ACRV1: variants seen among roughly 807,000 people sequenced by gnomAD.
The protein encoded by ACRV1 is acrosomal vesicle protein 1, also known as acrosomal protein SP-10.
Under a neutral mutation model 29.2 loss-of-function variants are expected in ACRV1, and 17 were observed. The ratio of observed to expected loss-of-function variants is 0.58; its 90% CI spans 0.40 to 0.87. The LOEUF is 0.87. Among genes scored for constraint, ACRV1 ranks in the 40% least tolerant of loss-of-function variants. The pLI is 0.00. For synonymous variants in ACRV1, 98 were observed against 111.6 expected, an observed-to-expected ratio of 0.88 and a Z score of 0.77; for missense variants, 294 against 316.0, an observed-to-expected ratio of 0.93 and a Z score of 0.53.
Position 125,672,561 on chromosome 11 carries a change from G to A in ACRV1, c.*32C>T. On this transcript the variant is annotated 3_prime_UTR_variant, in exon 4 of 4. Coordinates refer to ENST00000533904, the MANE Select transcript of ACRV1 (RefSeq NM_001612.6). Reference sequence around the variant, plus strand: ...AATAGAGTGATGGAGGCTTTTTACTGCCTGAGTCAAAACAAGCAAGGGCCC... The same window carrying A: ...AATAGAGTGATGGAGGCTTTTTACTACCTGAGTCAAAACAAGCAAGGGCCC... The A allele has an allele frequency of 4.3e-6, 7 of 1,611,092 alleles. No homozygotes were observed. The highest frequency in any genetic ancestry group is 5.9e-6 in the Non-Finnish European group (7 of 1,179,130).
chr11:125,678,028 G>A lies in ACRV1; in HGVS notation c.322C>T (p.His108Tyr). ...PAATEHAEGE[H>Y]TVGEQPSGEQ... ...CCTGAAGGCTGCTCACCTACAGTAT[G>A]CTCACCTTCAGCATGTTCAGTCGCA... The change falls in exon 2 of 4, where the codon CAT (histidine) becomes TAT (tyrosine). Residue 108 changes from histidine (H) to tyrosine (Y), a missense_variant. Transcript: ENST00000533904. 1.2e-6 allele frequency: 2 copies of A among 1,614,174 alleles called. No individual in the cohort carries two copies. The highest frequency in any genetic ancestry group is 1.7e-6 in the Non-Finnish European group (2 of 1,180,044).
At chr11:125,675,313 T>TAAG (rs1942446702) in intron 3 of ACRV1, among the ~76,000 whole-genome samples, 1 of 152,246 alleles carries the variant, frequency 6.6e-6, no homozygotes, top group Non-Finnish European at 1.5e-5. Context: ...ATATGTGCCT[T>TAAG]TCTTAAGACA....
rs749164194 is a variant in ACRV1, at chr11:125,677,837, CCCTGAAGCGTGCTCA to C, written c.498_512del (p.His168_Glu172del). On this transcript the variant is annotated inframe_deletion, in exon 2 of 4. Transcript: ENST00000533904. ...AAATTGGTGCACCTGAAGCCTGTTC[CCCTGAAGCGTGCTCA>C]CCTGAAGGCTGTTCACCCGAGGCCT... The C allele has an allele frequency of 6.2e-6, 10 of 1,614,008 alleles. No homozygotes were observed. The highest frequency in any genetic ancestry group is 7.6e-6 in the Non-Finnish European group (9 of 1,180,036).
intron 1 of ACRV1, 44 bp downstream of exon 1, chr11:125,680,685 G>GAGAC: frequency 6.4e-7 from 1 of 1,565,226 alleles, no homozygotes; most frequent in Non-Finnish European, 8.8e-7. Context: ...TGTCTTAAGG[G>GAGAC]AGACCCCTTT....
rs756928323 is a variant in ACRV1, at chr11:125,676,378, C to T, written c.654G>A (p.Met218Ile). The T allele has an allele frequency of 6.2e-7, 1 of 1,614,170 alleles. No homozygotes were observed. Among genetic ancestry groups the T allele is most frequent in the Non-Finnish European group, 8.5e-7 (1 of 1,180,024 alleles). ...ATATACCTTCAAAGATCTTCTTTAACATGCACTGCTGGGAATTCTGAGTGA... is the reference window on the plus strand; with the variant it reads ...ATATACCTTCAAAGATCTTCTTTAATATGCACTGCTGGGAATTCTGAGTGA... The part of the protein sequence containing the change: ...TCITQNSQQC[M>I]LKKIFEGGKL... The change falls in exon 3 of 4, where the codon ATG becomes ATA. Residue 218 changes from methionine (M) to isoleucine (I), a missense_variant. Coordinates refer to ENST00000533904, the MANE Select transcript of ACRV1 (RefSeq NM_001612.6).
At chr11:125,676,065 A>C (rs1942491219) in intron 3 of ACRV1, 2 of 261,158 alleles carry the variant, frequency 7.7e-6, no homozygotes, top group Non-Finnish European at 1.5e-5. Flanking sequence ...CCACCACCAC[A>C]CCTGGCTAGG....
At chr11:125,677,312 C>A (rs955671049) in intron 2 of ACRV1, among the ~76,000 whole-genome samples, 11 of 152,216 alleles carry the variant, frequency 7.2e-5, no homozygotes, top group Non-Finnish European at 1.5e-4. Flanking sequence ...GTCCTAGGAA[C>A]TCATTTCTGG....
chr11:125,678,316 A>G lies in ACRV1; in HGVS notation c.53-19T>C, dbSNP rs372086695. 3 of 1,609,502 alleles carry G rather than the reference A, an allele frequency of 1.9e-6. No individual in the cohort carries two copies. On this transcript the variant is annotated intron_variant, in intron 1 of 3. Transcript: ENST00000533904. Reference sequence around the variant, plus strand: ...GATGTTCCTGGGATGGAGAAGGAACAGAAGAGAGTTGGTGAAGCTGACAGA... The same window carrying G: ...GATGTTCCTGGGATGGAGAAGGAACGGAAGAGAGTTGGTGAAGCTGACAGA...
At chr11:125,677,713 C>G in intron 2 of ACRV1, 84 bp downstream of exon 2, 2 of 1,553,620 alleles carry the variant, frequency 1.3e-6, no homozygotes, top group Non-Finnish European at 1.8e-6. Context: ...CTTCTGCACT[C>G]CTTCCCTAAA....
intron 1 of ACRV1, among the ~76,000 whole-genome samples, 173 bp from the exon 2 acceptor site, chr11:125,678,470 C>A (rs570125567): frequency 6.6e-6 from 1 of 152,212 alleles, no homozygotes; most frequent in African/African-American, 2.4e-5. Flanking sequence ...CCCAAAAGGC[C>A]ATGGAGGACA....
At chr11:125,675,595 G>T (rs1353916869) in intron 3 of ACRV1, among the ~76,000 whole-genome samples, 1 of 152,158 alleles carries the variant, frequency 6.6e-6, no homozygotes, top group Non-Finnish European at 1.5e-5. Flanking sequence ...TGAGAGTAAG[G>T]GTAAAGAGGT....
At chr11:125,678,954 T>TA (rs1171041691) in intron 1 of ACRV1, among the ~76,000 whole-genome samples, 888 of 82,960 alleles carry the variant, frequency 0.011, 17 homozygotes, top group African/African-American at 0.035. Context: ...GCTATTAAGG[T>TA]AAAAAAAAAA....
Position 125,678,056 on chromosome 11 carries a change from G to A in ACRV1, c.294C>T (p.Pro98=), listed in dbSNP as rs1199956077. 3.0e-5 allele frequency: 49 copies of A among 1,614,080 alleles called. No individual in the cohort carries two copies. Among genetic ancestry groups the A allele is most frequent in the African/African-American group, 4.0e-5 (3 of 75,014 alleles). ...HAESEHASGE[P]AATEHAEGEH... The stretch of plus-strand genomic sequence containing the variant: ...CACCTTCAGCATGTTCAGTCGCAGC[G>A]GGCTCACCTGAAGCATGCTCACTCT... Residue 98 remains proline, a synonymous_variant, in exon 2 of 4, where the codon CCC becomes CCT. Transcript: ENST00000533904.
rs112296772 is a variant in ACRV1, at chr11:125,677,788, A to G, written c.553+9T>C. The G allele has an allele frequency of 1.4e-5, 22 of 1,612,944 alleles. 1 individual carries two copies. In the African/African-American group the frequency reaches 1.5e-4, roughly 11 times the overall value. ...GTCAATGACTGGCACCCATCCAAAC[A>G]TGGCTCACCTGTAGATGTGCTTGAA... On this transcript the variant is annotated intron_variant, in intron 2 of 3. Transcript: ENST00000533904.
intron 1 of ACRV1, among the ~76,000 whole-genome samples, chr11:125,679,289 C>G (rs1359406764): frequency 6.8e-6 from 1 of 146,738 alleles, no homozygotes; most frequent in Non-Finnish European, 1.5e-5. Context: ...ACAATCTTGG[C>G]TCACTGCAAC....
chr11:125,679,644 G>C (rs1216190304), intron 1 of ACRV1, among the ~76,000 whole-genome samples: 2 of 152,176 alleles, frequency 1.3e-5, no homozygotes, highest in African/African-American at 4.8e-5. Context: ...AAGACAAGTA[G>C]ACTACAACAA....
At position 125,676,279 on chromosome 11, in the gene ACRV1, C is replaced by T. The variant is rs1000992894; in HGVS notation, c.673+80G>A. 307 of 1,521,682 alleles carry T rather than the reference C, an allele frequency of 2.0e-4. 5 individuals carry two copies. In the Admixed American group the frequency reaches 5.3e-3, roughly 26 times the overall value. The allele number at this position is 1,521,682 out of a possible 1,614,324, so 94.3% of individuals were successfully genotyped here. A position where few individuals can be genotyped will look rare whatever the true frequency, so the allele number is the denominator to read the frequency against. On this transcript the variant is annotated intron_variant, in intron 3 of 3. Coordinates refer to ENST00000533904, the MANE Select transcript of ACRV1 (RefSeq NM_001612.6). ...AAGTTCCTTGATTCTTTCCTGGGCC[C>T]CTGTCATTCCAACTGCCCCCTACCA... is the stretch of plus-strand genomic sequence containing the variant.
intron 3 of ACRV1, among the ~76,000 whole-genome samples, chr11:125,674,525 A>G (rs532893334): frequency 6.6e-6 from 1 of 152,348 alleles, no homozygotes; most frequent in African/African-American, 2.4e-5. Flanking sequence ...GGGATGCAGA[A>G]TGAGTGAAAA....
chr11:125,678,355 T>G (rs1348064807), intron 1 of ACRV1, 58 bp from the exon 2 acceptor site: 5 of 1,570,032 alleles, frequency 3.2e-6, no homozygotes, highest in African/African-American at 1.4e-5. Context: ...GGATAAAGAC[T>G]ATCTTCCTAT....
Sources: gnomAD v4.1 joint callset for allele counts (sites outside exome capture counted in the v4.1 genomes callset) on GRCh38, gnomAD v4.1.1 for gene constraint, MANE v1.5 for transcripts, NCBI Gene and HGNC (gene_info 2026-07-23, HGNC 2026-07-21) for gene names.